Variants in NME7 observed in about 807,000 individuals in gnomAD.
NME7 encodes nucleoside diphosphate kinase 7.
A neutral mutation model predicts 49.1 loss-of-function variants in NME7; 41 were observed. The observed-to-expected ratio is 0.83, with a 90% CI of 0.65 to 1.08. The LOEUF (loss-of-function observed/expected upper bound fraction) is 1.08. Ranked by LOEUF, NME7 falls within the 50% of genes least tolerant of loss-of-function variation. The pLI is 0.00. For missense variants in NME7, 423 were observed against 463.4 expected (o/e 0.91, Z 0.80); for synonymous variants, 139 against 150.6 (o/e 0.92, Z 0.56).
chr1:169,323,141 C>T lies in NME7; in HGVS notation c.254G>A (p.Arg85His), dbSNP rs750168646. ...CTTTTCTTTCCTACTGCCCAGCTGG[C>T]GAGCTGTATATTGATCCCCATAGTC... Reference protein sequence around the residue: ...LIDYGDQYTARQLGSRKEKTL... With the variant: ...LIDYGDQYTAHQLGSRKEKTL... The change falls in exon 3 of 12, where the codon CGC becomes CAC. Residue 85 changes from arginine to histidine, a missense_variant. Physicochemically the swap from Arg to His is conservative, Grantham distance 29. Coordinates refer to ENST00000367811, the MANE Select transcript of NME7 (RefSeq NM_013330.5). 6.3e-6 allele frequency: 10 copies of T among 1,579,944 alleles called. No homozygotes were observed. Among genetic ancestry groups the T allele is most frequent in the Admixed American group, 5.6e-5 (3 of 53,886 alleles).
chr1:169,297,088 C>T (rs1425880391), intron 6 of NME7, among the ~76,000 whole-genome samples: 1 of 152,064 alleles, frequency 6.6e-6, no homozygotes, highest in African/African-American at 2.4e-5. Flanking sequence ...ATTCTCCCAC[C>T]TTAGCCTCTG....
chr1:169,366,899 C>G (rs910404662), intron 1 of NME7, among the ~76,000 whole-genome samples: 2 of 152,092 alleles, frequency 1.3e-5, no homozygotes, highest in Admixed American at 6.5e-5. Flanking sequence ...TTTCTAAATT[C>G]ATAGCTATAA....
intron 7 of NME7, among the ~76,000 whole-genome samples, chr1:169,256,259 A>G (rs1409370383): frequency 7.6e-6 from 1 of 132,436 alleles, no homozygotes; most frequent in Non-Finnish European, 1.8e-5. Flanking sequence ...GGCTTTACTC[A>G]TTTCTTTGTA....
At chr1:169,367,648 C>T (rs1192774581) in intron 1 of NME7, 60 bp downstream of exon 1, 4 of 1,610,208 alleles carry the variant, frequency 2.5e-6, no homozygotes, top group African/African-American at 1.3e-5. Flanking sequence ...CGCCCGAAGA[C>T]TTGGAAAGCT....
chr1:169,164,097 G>A lies in NME7; in HGVS notation c.1098+5350C>T, dbSNP rs896610359. ...TGCACTCCAGCCTGGGCAACAGAGC[G>A]AGACTCTGTCTCAAAAAAAAAAAAA... is the stretch of plus-strand genomic sequence containing the variant. On this transcript the variant is annotated intron_variant, in intron 11 of 11. Coordinates refer to ENST00000367811, the MANE Select transcript of NME7 (RefSeq NM_013330.5). Among the ~76,000 whole-genome samples the A allele has an allele frequency of 1.7e-4, 23 of 139,190 alleles. No individual in the cohort carries two copies. In the East Asian group the frequency reaches 2.8e-3, roughly 17 times the overall value. 91.3% of individuals were successfully genotyped at this position (139,190 alleles called of 152,430 possible). A position where few individuals can be genotyped will look rare whatever the true frequency, so the allele number is the denominator to read the frequency against.
chr1:169,343,102 C>G (rs1242285425), intron 1 of NME7, among the ~76,000 whole-genome samples: 1 of 149,766 alleles, frequency 6.7e-6, no homozygotes, highest in Non-Finnish European at 1.5e-5. Context: ...ATTGCCAGTT[C>G]CACACGATTT....
intron 7 of NME7, among the ~76,000 whole-genome samples, chr1:169,248,728 A>C (rs1370382455): frequency 6.6e-6 from 1 of 152,102 alleles, no homozygotes; most frequent in African/African-American, 2.4e-5. Context: ...TTATTTATTA[A>C]ATAAGGTGTC....
intron 1 of NME7, among the ~76,000 whole-genome samples, chr1:169,351,291 A>G (rs1653162075): frequency 1.3e-5 from 2 of 152,084 alleles, no homozygotes; most frequent in African/African-American, 4.8e-5. Flanking sequence ...CAGATCTAAG[A>G]CTTTATGACT....
intron 11 of NME7, among the ~76,000 whole-genome samples, chr1:169,149,213 T>C (rs981800690): frequency 2.6e-5 from 4 of 152,200 alleles, no homozygotes; most frequent in Middle Eastern, 6.8e-3. Context: ...TGGTGGTGCA[T>C]ACCTGTAGTC....
intron 11 of NME7, among the ~76,000 whole-genome samples, chr1:169,139,082 G>T (rs1175302120): frequency 6.6e-6 from 1 of 152,118 alleles, no homozygotes; most frequent in Non-Finnish European, 1.5e-5. Flanking sequence ...TACCTGTAAT[G>T]ATTAAAAAGG....
chr1:169,280,988 T>C (rs1649988371), intron 7 of NME7, among the ~76,000 whole-genome samples: 1 of 152,140 alleles, frequency 6.6e-6, no homozygotes, highest in African/African-American at 2.4e-5. Context: ...TCCAATTCTG[T>C]GAAGAAAGTC....
At chr1:169,294,291 G>A (rs1650623700) in intron 6 of NME7, among the ~76,000 whole-genome samples, 1 of 152,038 alleles carries the variant, frequency 6.6e-6, no homozygotes, top group Non-Finnish European at 1.5e-5. Flanking sequence ...GCATCTGAAA[G>A]GACAAGTGAA....
At chr1:169,276,287 G>A (rs1277974344) in intron 7 of NME7, among the ~76,000 whole-genome samples, 5 of 133,346 alleles carry the variant, frequency 3.7e-5, no homozygotes, top group South Asian at 2.3e-4. Context: ...TGTACCTCTG[G>A]TACAATTCGG....
At chr1:169,349,582 A>T (rs1484873192) in intron 1 of NME7, among the ~76,000 whole-genome samples, 1 of 152,174 alleles carries the variant, frequency 6.6e-6, no homozygotes, top group Non-Finnish European at 1.5e-5. Flanking sequence ...AATGCTATTA[A>T]ATCATTTCAA....
intron 10 of NME7, among the ~76,000 whole-genome samples, chr1:169,220,420 G>A: frequency 6.6e-6 from 1 of 152,118 alleles, no homozygotes; most frequent in East Asian, 1.9e-4. Context: ...GGATTTCTCA[G>A]GATGCTGGTC....
chr1:169,308,563 A>T (rs1651268083), intron 4 of NME7, among the ~76,000 whole-genome samples: 1 of 152,158 alleles, frequency 6.6e-6, no homozygotes, highest in Non-Finnish European at 1.5e-5. Context: ...TCCCTTCTTC[A>T]TCTTCCAGAA....
intron 1 of NME7, among the ~76,000 whole-genome samples, chr1:169,362,964 G>A (rs1024154943): frequency 2.6e-5 from 4 of 152,092 alleles, no homozygotes; most frequent in Non-Finnish European, 5.9e-5. Flanking sequence ...TTAGCTGAAC[G>A]TGGTGGCTAA....
chr1:169,280,397 T>C (rs558095387), intron 7 of NME7, among the ~76,000 whole-genome samples: 2 of 152,296 alleles, frequency 1.3e-5, no homozygotes, highest in East Asian at 3.9e-4. Context: ...TTTCTCCTAT[T>C]CTGTAGGTTG....
At chr1:169,234,456 G>A (rs796397570) in intron 9 of NME7, among the ~76,000 whole-genome samples, 1 of 151,890 alleles carries the variant, frequency 6.6e-6, no homozygotes, top group African/African-American at 2.4e-5. Context: ...TAATCAACAC[G>A]GAATCTACTA....
Sources: allele counts gnomAD v4.1 joint callset (sites outside exome capture counted in the v4.1 genomes callset), GRCh38; gene constraint gnomAD v4.1.1; transcripts MANE v1.5; gene names NCBI Gene and HGNC (gene_info 2026-07-23, HGNC 2026-07-21).